The following WSCD1 variants were observed in gnomAD, a reference collection of about 807,000 sequenced individuals.
The protein encoded by WSCD1 is sialate:O-sulfotransferase 1.
WSCD1 carries 41 observed loss-of-function variants against 60.4 expected under a neutral mutation model. The observed-to-expected ratio is 0.68, with a 90% CI of 0.53 to 0.88. The LOEUF (loss-of-function observed/expected upper bound fraction) is 0.88. Among genes scored for constraint, WSCD1 ranks in the 40% least tolerant of loss-of-function variants. The probability of loss-of-function intolerance (pLI) is 0.00; values close to 1 mark genes in which losing one functional copy is unlikely to be tolerated. For missense variants in WSCD1, 784 were observed against 796.2 expected, an observed-to-expected ratio of 0.98 and a Z score of 0.18; for synonymous variants, 361 against 332.5, an observed-to-expected ratio of 1.09 and a Z score of -0.93.
chr17:6,108,344 T>A (rs1911218928), intron 5 of WSCD1, among the ~76,000 whole-genome samples: 1 of 152,190 alleles, frequency 6.6e-6, no homozygotes, highest in Admixed American at 6.5e-5. Context: ...AGAAGTTTTC[T>A]CCACCCACTG....
intron 5 of WSCD1, among the ~76,000 whole-genome samples, chr17:6,102,452 CT>C (rs1910862311): frequency 6.6e-6 from 1 of 152,216 alleles, no homozygotes; most frequent in South Asian, 2.1e-4. Context: ...ATTGGATATG[CT>C]TTGAATTGCT....
chr17:6,070,423 C>CCGCGCCCG lies in WSCD1; in HGVS notation c.-516_-509dup, dbSNP rs1200837829. 5 of 146,602 alleles carry CCGCGCCCG rather than the reference C, an allele frequency of 3.4e-5. No individual in the cohort carries two copies. Among genetic ancestry groups the CCGCGCCCG allele is most frequent in the Non-Finnish European group, 7.6e-5 (5 of 65,690 alleles). 9.1% of individuals were successfully genotyped at this position (146,602 alleles called of 1,614,324 possible). A position where few individuals can be genotyped will look rare whatever the true frequency, so the allele number is the denominator to read the frequency against. ...CGCCCGCCCGCTGCCCGCCCCGGCT[C>CCGCGCCCG]CGCGCCCGCCCGCCCGCCCCGCCGT... On this transcript the variant is annotated 5_prime_UTR_variant, in exon 1 of 9. Transcript: ENST00000317744.
At chr17:6,086,119 C>T (rs78049320) in intron 2 of WSCD1, among the ~76,000 whole-genome samples, 3,475 of 151,690 alleles carry the variant, frequency 0.023, 136 homozygotes, top group African/African-American at 0.078. Context: ...CCGAGGGTCT[C>T]CTGGGTCCCT....
intron 7 of WSCD1, among the ~76,000 whole-genome samples, chr17:6,115,630 T>C (rs1457712780): frequency 1.3e-5 from 2 of 152,162 alleles, no homozygotes; most frequent in Non-Finnish European, 2.9e-5. Context: ...ACTTTCACTC[T>C]GTCGCCCAGG....
At position 6,118,349 on chromosome 17, in the gene WSCD1, G is replaced by A. The variant is rs1157702453; in HGVS notation, c.1375+161G>A. On this transcript the variant is annotated intron_variant, in intron 8 of 8. Transcript: ENST00000317744. The surrounding 1 kb of genome is among the most constrained non-coding windows in gnomAD (Gnocchi z 5.8). ...ATCCTGCTAGGGACTTAGTGCTGCT[G>A]TGCCTGGGCTTGAGTTCACCTCCTC... 6.6e-6 allele frequency among the ~76,000 whole-genome samples: 1 copy of A among 152,190 alleles called. No individual in the cohort carries two copies. Among genetic ancestry groups the A allele is most frequent in the East Asian group, 1.9e-4 (1 of 5,182 alleles).
At chr17:6,103,729 G>T (rs2150559864) in intron 5 of WSCD1, among the ~76,000 whole-genome samples, 1 of 152,294 alleles carries the variant, frequency 6.6e-6, no homozygotes, top group Admixed American at 6.5e-5. Context: ...TCTTTTTGTG[G>T]AGAAAAGTGA....
At chr17:6,109,582 T>C (rs1911287169) in intron 5 of WSCD1, 25 bp from the exon 6 acceptor site, 3 of 1,610,286 alleles carry the variant, frequency 1.9e-6, no homozygotes, top group African/African-American at 2.7e-5. Context: ...CTCAGTGTGC[T>C]TCTCTTCTTA....
At chr17:6,079,132 C>T (rs1386180655) in intron 1 of WSCD1, among the ~76,000 whole-genome samples, 4 of 152,248 alleles carry the variant, frequency 2.6e-5, no homozygotes, top group Non-Finnish European at 4.4e-5. Context: ...TCATGCCTAT[C>T]TGGGGTCTTT....
intron 5 of WSCD1, among the ~76,000 whole-genome samples, chr17:6,096,758 A>G (rs1286169016): frequency 6.6e-6 from 1 of 152,060 alleles, no homozygotes; most frequent in Admixed American, 6.5e-5. Context: ...CTCTCAGGAG[A>G]ATGAGCCACC....
chr17:6,072,101 T>G (rs1567547265), intron 1 of WSCD1, among the ~76,000 whole-genome samples: 2 of 152,232 alleles, frequency 1.3e-5, no homozygotes, highest in African/African-American at 2.4e-5. Flanking sequence ...TAAAAATGCC[T>G]TCTTCTGGGG....
intron 2 of WSCD1, among the ~76,000 whole-genome samples, chr17:6,082,824 G>A (rs904694088): frequency 2.0e-5 from 3 of 152,214 alleles, no homozygotes; most frequent in Admixed American, 6.5e-5. Context: ...AGGCCTAGGA[G>A]TTTGGCTTTA....
chr17:6,120,181 C>A, intron 8 of WSCD1, 128 bp from the exon 9 acceptor site: 1 of 1,034,212 alleles, frequency 9.7e-7, no homozygotes, highest in Non-Finnish European at 1.4e-6. Flanking sequence ...ATGGGGAATG[C>A]CAGGTTGACT....
At chr17:6,087,932 T>C (rs920495306) in intron 2 of WSCD1, 58 bp from the exon 3 acceptor site, 2 of 1,443,296 alleles carry the variant, frequency 1.4e-6, no homozygotes, top group Admixed American at 3.5e-5. Context: ...TGGCTTTTCC[T>C]AAGGGTGGGC....
chr17:6,109,878 G>A (rs1228564680), intron 6 of WSCD1, 112 bp downstream of exon 6: 4 of 1,424,324 alleles, frequency 2.8e-6, no homozygotes, highest in Non-Finnish European at 3.8e-6. Context: ...GGTATGGCAT[G>A]TGTCTGTGTA....
chr17:6,116,920 CA>C (rs2150571190), intron 7 of WSCD1, among the ~76,000 whole-genome samples: 1 of 152,274 alleles, frequency 6.6e-6, no homozygotes, highest in South Asian at 2.1e-4. Context: ...TGGGTGTGGC[CA>C]GGAGACTAGT....
In WSCD1 at chr17:6,110,615, A is replaced by G. The variant is rs1418694197; in HGVS notation, c.1010-156A>G. On this transcript the variant is annotated intron_variant, in intron 6 of 8. Coordinates refer to ENST00000317744, the MANE Select transcript of WSCD1 (RefSeq NM_015253.2). This position sits in a 1 kb window ranked among gnomAD's most constrained non-coding sequence, Gnocchi z 4.8. ...GACTGGCCACAGACCTGTGCAGCTA[A>G]GGTATATTTGGAAGATCTCTTCCCT... 1.3e-5 allele frequency among the ~76,000 whole-genome samples: 2 copies of G among 152,114 alleles called. No homozygotes were observed. The highest frequency in any genetic ancestry group is 2.4e-5 in the African/African-American group (1 of 41,408).
At chr17:6,108,581 T>G (rs1242092040) in intron 5 of WSCD1, among the ~76,000 whole-genome samples, 1 of 152,188 alleles carries the variant, frequency 6.6e-6, no homozygotes, top group Admixed American at 6.5e-5. Context: ...AATGACCTCT[T>G]CCTCCTTGGA....
At chr17:6,087,939 G>A in intron 2 of WSCD1, 51 bp from the exon 3 acceptor site, 1 of 1,454,678 alleles carries the variant, frequency 6.9e-7, no homozygotes, top group Admixed American at 1.7e-5. Context: ...TCCTAAGGGT[G>A]GGCCCATGAT....
chr17:6,074,954 A>G (rs1014478961), intron 1 of WSCD1, among the ~76,000 whole-genome samples: 3 of 152,110 alleles, frequency 2.0e-5, no homozygotes, highest in Non-Finnish European at 4.4e-5. Context: ...GGGCAGGGGC[A>G]AGGGGAAAGT....
Sources: gnomAD v4.1 joint callset for allele counts (sites outside exome capture counted in the v4.1 genomes callset) on GRCh38, gnomAD v4.1.1 for gene constraint, Gnocchi (gnomAD v3.1) non-coding constraint, MANE v1.5 for transcripts, NCBI Gene and HGNC (gene_info 2026-07-23, HGNC 2026-07-21) for gene names.